The following MBD6 variants were observed in gnomAD, a reference collection of about 807,000 sequenced individuals.
MBD6 encodes the protein methyl-CpG binding domain protein 6, also known as methyl-CpG-binding domain protein 6.
In MBD6, 22 loss-of-function variants were observed where a neutral mutation model predicts 66.8. That is an observed-to-expected ratio of 0.33 (90% CI 0.24 to 0.47). The LOEUF is 0.47. Among genes scored for constraint, MBD6 ranks in the 20% least tolerant of loss-of-function variants. The probability of loss-of-function intolerance (pLI) is 1.00; values close to 1 mark genes in which losing one functional copy is unlikely to be tolerated. For synonymous variants in MBD6, 540 were observed against 534.6 expected (o/e 1.01, Z -0.14); for missense variants, 1,322 against 1,286.9 (o/e 1.03, Z -0.42).
chr12:57,527,331 C>T (rs752612927), intron 7 of MBD6, 104 bp downstream of exon 7: 11 of 1,103,752 alleles, frequency 1.0e-5, no homozygotes, highest in African/African-American at 1.6e-5. Flanking sequence ...TTCCTTGGGG[C>T]CTTTGGGGAG....
chr12:57,526,039 A>G lies in MBD6; in HGVS notation c.1071A>G (p.Ser357=). ...RAQAPSASHS[S]SLRPSQRRPR... ...AGGCACCCTCAGCTTCCCACTCCTC[A>G]TCACTTCGTCCCTCTCAGCGTCGTC... is the stretch of plus-strand genomic sequence containing the variant. Residue 357 remains serine, a synonymous_variant, in exon 6 of 13, where the codon TCA becomes TCG. Coordinates refer to ENST00000355673, the MANE Select transcript of MBD6 (RefSeq NM_052897.4). The G allele has an allele frequency of 6.2e-7, 1 of 1,607,240 alleles. No individual in the cohort carries two copies. The highest frequency in any genetic ancestry group is 1.7e-4 in the Middle Eastern group (1 of 6,012).
At position 57,528,502 on chromosome 12, in the gene MBD6, A is replaced by C; in HGVS notation, c.2762A>C (p.Glu921Ala). Residue 921 changes from glutamate to alanine, a missense_variant, in exon 10 of 13, where the codon GAA (glutamate) becomes GCA (alanine). Physicochemically the swap from Glu to Ala is moderately radical, Grantham distance 107 (BLOSUM62 -1). Coordinates refer to ENST00000355673, the MANE Select transcript of MBD6 (RefSeq NM_052897.4). ...TGGCAGCATAATGGGGAGCTGGCTG[A>C]AGGGGGTGCTGAGCCCAAGGATCCA... ...HHWQHNGELA[E>A]GGAEPKDPPP... The C allele has an allele frequency of 6.2e-7, 1 of 1,613,926 alleles. No individual in the cohort carries two copies. The highest frequency in any genetic ancestry group is 8.5e-7 in the Non-Finnish European group (1 of 1,179,978).
chr12:57,523,147 C>T (rs1384416367), intron 1 of MBD6, 136 bp downstream of exon 1: 2 of 146,782 alleles, frequency 1.4e-5, no homozygotes, highest in Non-Finnish European at 3.0e-5. Context: ...CGCCGCTTCT[C>T]CCTCTCACTG....
downstream of MBD6, chr12:57,530,702 T>C (rs746387480): frequency 2.4e-5 from 39 of 1,613,776 alleles, no homozygotes; most frequent in Non-Finnish European, 3.3e-5. Flanking sequence ...CTTTCCCAGC[T>C]TCTTCATCCG....
rs1879203379 is a variant in MBD6, at chr12:57,528,284, G to A, written c.2544G>A (p.Leu848=). 6.2e-7 allele frequency: 1 copy of A among 1,605,144 alleles called. No homozygotes were observed. The highest frequency in any genetic ancestry group is 8.5e-7 in the Non-Finnish European group (1 of 1,175,460). The change falls in exon 10 of 13, where the codon CTG becomes CTA. Residue 848 remains leucine, a synonymous_variant. Coordinates refer to ENST00000355673, the MANE Select transcript of MBD6 (RefSeq NM_052897.4). ...CTCCCGACCCCCCAGTCCCTGAGCT[G>A]CTCACTGGGAGGGGGTCAGGGAAAC... The part of the protein sequence containing the change: ...HGSPDPPVPE[L]LTGRGSGKRG...
At chr12:57,527,476 C>G in intron 7 of MBD6, 31 bp from the exon 8 acceptor site, 2 of 1,611,388 alleles carry the variant, frequency 1.2e-6, no homozygotes, top group South Asian at 1.1e-5. Context: ...ATTTTACACG[C>G]GTAAGTGTTA....
In MBD6 at chr12:57,526,280, C is replaced by T. The variant is rs1878944988; in HGVS notation, c.1312C>T (p.His438Tyr). 6.2e-7 allele frequency: 1 copy of T among 1,614,022 alleles called. No homozygotes were observed. Among genetic ancestry groups the T allele is most frequent in the Non-Finnish European group, 8.5e-7 (1 of 1,180,002 alleles). ...GSFNLLGSDA[H>Y]LPPPPTLSSG... ...CTTTAACCTTTTGGGGTCAGATGCA[C>T]ACCTTCCTCCTCCCCCAACCCTCTC... Residue 438 changes from histidine (H) to tyrosine (Y), a missense_variant, in exon 6 of 13, where the codon CAC (histidine) becomes TAC (tyrosine). Transcript: ENST00000355673.
rs138544994 is a variant in MBD6 at position 57,524,987 on chromosome 12, C to T, written c.251C>T (p.Pro84Leu). 81 of 1,607,208 alleles carry T rather than the reference C, an allele frequency of 5.0e-5. No homozygotes were observed. Among genetic ancestry groups the T allele is most frequent in the Non-Finnish European group, 6.0e-5 (70 of 1,176,108 alleles). ...FNFDPLAPVT[P>L]GGAGVGPASE... ...TTTGACCCTTTGGCCCCGGTGACCC[C>T]GGGTGGGGCTGGGGTGGGGCCAGCA... The change falls in exon 5 of 13, where the codon CCG becomes CTG. Residue 84 changes from proline to leucine, a missense_variant. Transcript: ENST00000355673.
At position 57,527,138 on chromosome 12, in the gene MBD6, C is replaced by T; in HGVS notation, c.1993C>T (p.Pro665Ser). ...GGGAGACCTGTCCCCCCTACTTTTC[C>T]CCCCACTTTCAGCCCCCCCTACCCT... The part of the protein sequence containing the change: ...GLGDLSPLLF[P>S]PLSAPPTLIA... Residue 665 changes from proline to serine, a missense_variant, in exon 7 of 13, where the codon CCC becomes TCC. Coordinates refer to ENST00000355673, the MANE Select transcript of MBD6 (RefSeq NM_052897.4). The T allele has an allele frequency of 6.7e-7, 1 of 1,502,906 alleles. No individual in the cohort carries two copies. The highest frequency in any genetic ancestry group is 1.2e-5 in the South Asian group (1 of 80,986). 93.1% of individuals were successfully genotyped at this position (1,502,906 alleles called of 1,614,324 possible).
At position 57,525,474 on chromosome 12, in the gene MBD6, C is replaced by T; in HGVS notation, c.506C>T (p.Pro169Leu). 6.5e-7 allele frequency: 1 copy of T among 1,538,754 alleles called. No individual in the cohort carries two copies. Among genetic ancestry groups the T allele is most frequent in the Non-Finnish European group, 8.7e-7 (1 of 1,146,136 alleles). ...GGPGSLPPEP[P>L]SVSQAFPTLA... The stretch of plus-strand genomic sequence containing the variant: ...CCTGGCTCCCTTCCCCCAGAACCAC[C>T]CTCAGTTTCCCAGGCCTTTCCCACT... The change falls in exon 6 of 13, where the codon CCC (proline) becomes CTC (leucine). Residue 169 changes from proline to leucine, a missense_variant. Transcript: ENST00000355673.
rs779780299 is a variant in MBD6, at chr12:57,528,281, G to A, written c.2541G>A (p.Glu847=). The change falls in exon 10 of 13, where the codon GAG becomes GAA. Residue 847 remains glutamate (E), a synonymous_variant. Coordinates refer to ENST00000355673, the MANE Select transcript of MBD6 (RefSeq NM_052897.4). ...GTTCTCCCGACCCCCCAGTCCCTGA[G>A]CTGCTCACTGGGAGGGGGTCAGGGA... The part of the protein sequence containing the change: ...PHGSPDPPVP[E]LLTGRGSGKR... 16 of 1,605,362 alleles carry A rather than the reference G, an allele frequency of 1.0e-5. No homozygotes were observed. In the South Asian group the frequency reaches 1.7e-4, roughly 17 times the overall value.
At chr12:57,528,850 C>T (rs1879294935) in intron 11 of MBD6, 96 bp from the exon 12 acceptor site, 10 of 1,602,852 alleles carry the variant, frequency 6.2e-6, no homozygotes, top group Non-Finnish European at 8.5e-6. Flanking sequence ...GATATTATGC[C>T]TTTACTATCC....
In MBD6 at chr12:57,525,525, C is replaced by T. The variant is rs1305328247; in HGVS notation, c.557C>T (p.Pro186Leu). The change falls in exon 6 of 13, where the codon CCC (proline) becomes CTC (leucine). Residue 186 changes from proline (P) to leucine (L), a missense_variant. Pro to Leu is a moderately conservative substitution (Grantham distance 98). Coordinates refer to ENST00000355673, the MANE Select transcript of MBD6 (RefSeq NM_052897.4). The stretch of plus-strand genomic sequence containing the variant: ...CTAGCAGGCCCTGGGGGGCTTTTCC[C>T]CCCAAGGCTTGCTGACCCAGTCCCT... Reference protein sequence around the residue: ...PTLAGPGGLFPPRLADPVPSG... With the variant: ...PTLAGPGGLFLPRLADPVPSG... The T allele has an allele frequency of 6.3e-7, 1 of 1,588,392 alleles. No homozygotes were observed. Among genetic ancestry groups the T allele is most frequent in the Non-Finnish European group, 8.6e-7 (1 of 1,167,908 alleles).
At position 57,525,948 on chromosome 12, in the gene MBD6, C is replaced by T. The variant is rs770266191; in HGVS notation, c.980C>T (p.Ala327Val). 2.4e-5 allele frequency: 39 copies of T among 1,613,308 alleles called. No individual in the cohort carries two copies. The highest frequency in any genetic ancestry group is 3.0e-5 in the Non-Finnish European group (35 of 1,179,834). ...PFLASSLLSAAAKAQHPPLPP... is the reference protein window; with the variant it reads ...PFLASSLLSAVAKAQHPPLPP... ...CTTGCTAGCAGCCTACTCTCTGCAG[C>T]GGCCAAGGCACAGCATCCCCCACTA... is the stretch of plus-strand genomic sequence containing the variant. The change falls in exon 6 of 13, where the codon GCG becomes GTG. Residue 327 changes from alanine (A) to valine (V), a missense_variant. Coordinates refer to ENST00000355673, the MANE Select transcript of MBD6 (RefSeq NM_052897.4).
intron 1 of MBD6, among the ~76,000 whole-genome samples, chr12:57,523,725 A>G (rs781419087): frequency 4.6e-5 from 7 of 152,174 alleles, no homozygotes; most frequent in African/African-American, 7.2e-5. Context: ...GCCTAGCATT[A>G]TGGGAATGTG....
intron 1 of MBD6, 29 bp from the exon 2 acceptor site, chr12:57,523,989 GCAGACTCCTGA>G: frequency 4.7e-6 from 1 of 213,982 alleles, no homozygotes; most frequent in East Asian, 1.0e-4. Flanking sequence ...TTAGAGTTGG[GCAGACTCCTGA>G]CAGTCCCATC....
chr12:57,530,664 C>CCTGT, downstream of MBD6: 3 of 1,595,922 alleles, frequency 1.9e-6, no homozygotes, highest in Non-Finnish European at 2.6e-6. Flanking sequence ...AGGGATAACC[C>CCTGT]CTGTTCTCCA....
chr12:57,525,866 G>A lies in MBD6; in HGVS notation c.898G>A (p.Val300Ile). 2 of 1,612,940 alleles carry A rather than the reference G, an allele frequency of 1.2e-6. No homozygotes were observed. The highest frequency in any genetic ancestry group is 1.7e-6 in the Non-Finnish European group (2 of 1,179,742). Residue 300 changes from valine (V) to isoleucine (I), a missense_variant, in exon 6 of 13, where the codon GTC becomes ATC. Physicochemically the swap from Val to Ile is conservative, Grantham distance 29. Coordinates refer to ENST00000355673, the MANE Select transcript of MBD6 (RefSeq NM_052897.4). ...VSSATMHLPL[V>I]LGPLGGAPTV... is the part of the protein sequence containing the mutation. ...TTCAGCCACTATGCACCTGCCCCTG[G>A]TCCTGGGGCCCCTGGGAGGGGCCCC...
rs1878977242 is a variant in MBD6, at chr12:57,526,571, C to T, written c.1426C>T (p.Pro476Ser). ...SGSLSSVPGA[P>S]APPAASKAPV... ...ATTTCTCTCCTCTTTTACAGGTGCC[C>T]CTGCCCCACCAGCTGCCTCCAAAGC... is the stretch of plus-strand genomic sequence containing the variant. The change falls in exon 7 of 13, where the codon CCT becomes TCT. Residue 476 changes from proline (P) to serine (S), a missense_variant. Transcript: ENST00000355673. 3 of 1,511,466 alleles carry T rather than the reference C, an allele frequency of 2.0e-6. No individual in the cohort carries two copies. The highest frequency in any genetic ancestry group is 2.7e-5 in the South Asian group (2 of 73,490). The allele number at this position is 1,511,466 out of a possible 1,614,324, so 93.6% of individuals were successfully genotyped here.
Sources: allele counts gnomAD v4.1 joint callset (sites outside exome capture counted in the v4.1 genomes callset), GRCh38; gene constraint gnomAD v4.1.1; transcripts MANE v1.5; gene names NCBI Gene and HGNC (gene_info 2026-07-23, HGNC 2026-07-21).